The following NIPBL variants were observed in gnomAD, a reference collection of about 807,000 sequenced individuals.
NIPBL encodes the protein NIPBL cohesin loading factor.
A neutral mutation model predicts 321.8 loss-of-function variants in NIPBL; 19 were observed. The ratio of observed to expected loss-of-function variants is 0.06; its 90% CI spans 0.04 to 0.09. The LOEUF (loss-of-function observed/expected upper bound fraction) is 0.09, where lower values mean the gene tolerates loss of function less well. Among genes scored for constraint, NIPBL ranks in the 10% least tolerant of loss-of-function variants. The pLI, the probability that NIPBL is intolerant of heterozygous loss-of-function variation, is 1.00. For missense variants in NIPBL, 2,210 were observed against 3,327.0 expected (o/e 0.66, Z 8.26); for synonymous variants, 1,106 against 1,114.1 (o/e 0.99, Z 0.14).
At chr5:36,954,756 T>C (rs547900548) in intron 2 of NIPBL, among the ~76,000 whole-genome samples, 3 of 152,298 alleles carry the variant, frequency 2.0e-5, no homozygotes, top group African/African-American at 7.2e-5. Flanking sequence ...ATAATTATAC[T>C]GTATAGGTGA....
intron 29 of NIPBL, among the ~76,000 whole-genome samples, chr5:37,022,688 T>A (rs16903456): frequency 1.3e-5 from 2 of 152,120 alleles, no homozygotes; most frequent in African/African-American, 4.8e-5. Flanking sequence ...TAAATGTTTT[T>A]GAACAAGAAT....
At chr5:36,968,181 T>C (rs922253212) in intron 6 of NIPBL, among the ~76,000 whole-genome samples, 2 of 151,906 alleles carry the variant, frequency 1.3e-5, no homozygotes, top group South Asian at 2.1e-4. Flanking sequence ...TATGAATTGA[T>C]TAGTAGAAGA....
chr5:37,021,483 C>T (rs1454927226), intron 27 of NIPBL, among the ~76,000 whole-genome samples: 1 of 152,078 alleles, frequency 6.6e-6, no homozygotes, highest in African/African-American at 2.4e-5. Context: ...GAGATCAAGA[C>T]CGTCCTGGCT....
At chr5:36,989,992 G>A (rs1745307633) in intron 10 of NIPBL, among the ~76,000 whole-genome samples, 1 of 149,632 alleles carries the variant, frequency 6.7e-6, no homozygotes, top group South Asian at 2.1e-4. Flanking sequence ...TTTGCTTTAT[G>A]TCTAAGGAAA....
intron 43 of NIPBL, 59 bp downstream of exon 43, chr5:37,057,391 C>A: frequency 6.7e-7 from 1 of 1,490,104 alleles, no homozygotes; most frequent in Non-Finnish European, 9.3e-7. Flanking sequence ...ATGCTGTTTT[C>A]ACTGTTTTGT....
At chr5:36,900,518 A>G (rs1747121369) in intron 1 of NIPBL, among the ~76,000 whole-genome samples, 1 of 152,166 alleles carries the variant, frequency 6.6e-6, no homozygotes, top group Non-Finnish European at 1.5e-5. Context: ...AGGAAGTCCC[A>G]TGAGCAATTC....
At chr5:36,961,633 T>C in intron 5 of NIPBL, 50 bp downstream of exon 5, 3 of 1,099,972 alleles carry the variant, frequency 2.7e-6, no homozygotes, top group Non-Finnish European at 4.2e-6. Context: ...ATGGTGAATA[T>C]GCTGGTGAAT....
At chr5:36,899,758 C>A (rs1736520175) in intron 1 of NIPBL, among the ~76,000 whole-genome samples, 1 of 152,138 alleles carries the variant, frequency 6.6e-6, no homozygotes. Flanking sequence ...GAGTTAAAAA[C>A]CTGCTAGTAC....
intron 11 of NIPBL, 92 bp downstream of exon 11, chr5:36,995,896 C>G: frequency 9.1e-7 from 1 of 1,104,412 alleles, no homozygotes; most frequent in Non-Finnish European, 1.3e-6. Flanking sequence ...TTAGCAAAAG[C>G]ACAGTCACCT....
chr5:36,948,940 A>G (rs1045621235), intron 1 of NIPBL, among the ~76,000 whole-genome samples: 3 of 151,886 alleles, frequency 2.0e-5, no homozygotes, highest in Admixed American at 2.0e-4. Context: ...TCAACCCGTA[A>G]AATAATATTT....
In NIPBL at chr5:36,944,738, T is replaced by TA. The variant is rs995038691; in HGVS notation, c.-79-8870dup. ...ATCTGGCCAATCTTTGATGTGCTAG[T>TA]AAAAAAAAAACCAAAGCTGAATTTT... On this transcript the variant is annotated intron_variant, in intron 1 of 46. Transcript: ENST00000282516. 9.1e-3 allele frequency among the ~76,000 whole-genome samples: 1,354 copies of TA among 148,192 alleles called. 15 individuals are homozygous for TA. Among genetic ancestry groups the TA allele is most frequent in the African/African-American group, 0.03 (1,238 of 40,666 alleles).
At chr5:37,026,376 T>C (rs1294048747) in intron 31 of NIPBL, 49 bp downstream of exon 31, 1 of 1,023,196 alleles carries the variant, frequency 9.8e-7, no homozygotes, top group East Asian at 2.4e-5. Context: ...CCAGACCTAA[T>C]TGAGGCCTAC....
At chr5:37,026,893 A>G (rs1352304715) in intron 31 of NIPBL, among the ~76,000 whole-genome samples, 1 of 151,754 alleles carries the variant, frequency 6.6e-6, no homozygotes, top group Non-Finnish European at 1.5e-5. Context: ...CCTGGGCAAT[A>G]TAATAGCAAG....
intron 1 of NIPBL, among the ~76,000 whole-genome samples, chr5:36,902,449 G>T (rs1360115366): frequency 6.6e-6 from 1 of 152,162 alleles, no homozygotes; most frequent in Non-Finnish European, 1.5e-5. Flanking sequence ...GTGAAAGGAA[G>T]AGGTCCAGTT....
intron 1 of NIPBL, among the ~76,000 whole-genome samples, chr5:36,889,046 A>C (rs543532671): frequency 6.6e-6 from 1 of 152,256 alleles, no homozygotes; most frequent in Admixed American, 6.5e-5. Flanking sequence ...CATAGTAAGC[A>C]CTCAACAAAC....
chr5:36,918,164 T>A (rs1032440386), intron 1 of NIPBL, among the ~76,000 whole-genome samples: 1 of 152,184 alleles, frequency 6.6e-6, no homozygotes, highest in Non-Finnish European at 1.5e-5. Flanking sequence ...GAGCATGGAA[T>A]GTTCTTCCAT....
chr5:36,947,045 T>C (rs957948305), intron 1 of NIPBL, among the ~76,000 whole-genome samples: 1 of 152,076 alleles, frequency 6.6e-6, no homozygotes, highest in Non-Finnish European at 1.5e-5. Context: ...TTTGCATCTG[T>C]GAAATAGTGA....
chr5:36,924,886 C>T (rs576463497), intron 1 of NIPBL, among the ~76,000 whole-genome samples: 1 of 152,276 alleles, frequency 6.6e-6, no homozygotes, highest in South Asian at 2.1e-4. Context: ...CTATTAAAGG[C>T]CTTTTTCTTT....
intron 21 of NIPBL, among the ~76,000 whole-genome samples, chr5:37,013,318 C>T (rs1461148687): frequency 6.6e-6 from 1 of 150,648 alleles, no homozygotes; most frequent in African/African-American, 2.4e-5. Flanking sequence ...ACCTCCCTCC[C>T]GGACGGGGCG....
Sources: gnomAD v4.1 joint callset for allele counts (sites outside exome capture counted in the v4.1 genomes callset) on GRCh38, gnomAD v4.1.1 for gene constraint, MANE v1.5 for transcripts, NCBI Gene and HGNC (gene_info 2026-07-23, HGNC 2026-07-21) for gene names.